Variants in C8orf34 observed in about 807,000 individuals in gnomAD.
C8orf34 encodes chromosome 8 open reading frame 34, also known as uncharacterized protein C8orf34.
In C8orf34, 65 loss-of-function variants were observed where a neutral mutation model predicts 68.3. The observed-to-expected ratio is 0.95, with a 90% confidence interval of 0.78 to 1.17. The LOEUF is 1.17. C8orf34 is among the 50% of genes most tolerant of loss of function. The probability of loss-of-function intolerance (pLI) is 0.00; values close to 1 mark genes in which losing one functional copy is unlikely to be tolerated. For missense variants in C8orf34, 664 were observed against 655.4 expected (o/e 1.01, Z -0.14); for synonymous variants, 244 against 241.2 (o/e 1.01, Z -0.11).
chr8:68,657,331 A>T (rs1414369734), intron 8 of C8orf34, among the ~76,000 whole-genome samples: 1 of 152,150 alleles, frequency 6.6e-6, no homozygotes, highest in African/African-American at 2.4e-5. Flanking sequence ...TAATTAGGTC[A>T]TAAGGGTGGA....
chr8:68,771,801 A>G (rs1823346383), intron 10 of C8orf34, among the ~76,000 whole-genome samples: 1 of 152,198 alleles, frequency 6.6e-6, no homozygotes, highest in Non-Finnish European at 1.5e-5. Flanking sequence ...GAAAGACTAG[A>G]TGCCTTTCCT....
intron 8 of C8orf34, among the ~76,000 whole-genome samples, chr8:68,668,821 G>C (rs1348287119): frequency 1.3e-5 from 2 of 152,166 alleles, no homozygotes. Context: ...GGAAGGAAAG[G>C]AGGCAGCCTC....
At chr8:68,372,387 A>G (rs1807598385) in intron 1 of C8orf34, among the ~76,000 whole-genome samples, 1 of 152,126 alleles carries the variant, frequency 6.6e-6, no homozygotes, top group South Asian at 2.1e-4. Context: ...AATCTCAGAG[A>G]CCCAGTCCCT....
At chr8:68,774,775 T>C (rs895861762) in intron 10 of C8orf34, among the ~76,000 whole-genome samples, 2 of 151,584 alleles carry the variant, frequency 1.3e-5, no homozygotes, top group Admixed American at 6.6e-5. Flanking sequence ...AATTTAATTT[T>C]GTATGTTTTA....
At chr8:68,637,403 A>G (rs1472987416) in intron 7 of C8orf34, among the ~76,000 whole-genome samples, 1 of 152,126 alleles carries the variant, frequency 6.6e-6, no homozygotes, top group African/African-American at 2.4e-5. Flanking sequence ...TCCAGCCTTG[A>G]TGATCTATAG....
intron 5 of C8orf34, among the ~76,000 whole-genome samples, chr8:68,490,322 C>CT (rs1563481808): frequency 6.6e-6 from 1 of 152,230 alleles, no homozygotes; most frequent in Non-Finnish European, 1.5e-5. Flanking sequence ...TTGTCCTTCT[C>CT]TTTTTTTCTG....
intron 4 of C8orf34, among the ~76,000 whole-genome samples, chr8:68,471,324 C>G (rs759697324): frequency 6.6e-6 from 1 of 152,038 alleles, no homozygotes; most frequent in Non-Finnish European, 1.5e-5. Flanking sequence ...ACTTGAGTTT[C>G]TATGATTTTC....
intron 11 of C8orf34, among the ~76,000 whole-genome samples, chr8:68,777,705 C>T (rs1415588674): frequency 1.3e-5 from 2 of 152,142 alleles, no homozygotes; most frequent in African/African-American, 2.4e-5. Flanking sequence ...GTGTCTTTTC[C>T]AACGTTCTTT....
At chr8:68,591,562 G>C (rs1042152266) in intron 7 of C8orf34, among the ~76,000 whole-genome samples, 1 of 152,112 alleles carries the variant, frequency 6.6e-6, no homozygotes, top group Non-Finnish European at 1.5e-5. Flanking sequence ...CTAAACTACA[G>C]GCTAATGTAA....
intron 1 of C8orf34, among the ~76,000 whole-genome samples, chr8:68,341,705 G>T (rs1806076969): frequency 6.6e-6 from 1 of 152,078 alleles, no homozygotes; most frequent in African/African-American, 2.4e-5. Flanking sequence ...TCCTGCTTTT[G>T]CCATGAAACA....
intron 10 of C8orf34, among the ~76,000 whole-genome samples, chr8:68,744,777 C>T (rs1192683024): frequency 8.5e-5 from 13 of 152,212 alleles, no homozygotes; most frequent in South Asian, 4.2e-4. Context: ...CTGAAAGTGA[C>T]GGGGAGAATG....
At chr8:68,628,568 A>G (rs892908982) in intron 7 of C8orf34, among the ~76,000 whole-genome samples, 5 of 152,208 alleles carry the variant, frequency 3.3e-5, no homozygotes, top group African/African-American at 9.6e-5. Flanking sequence ...CTCAGAATAT[A>G]TAACATCTGC....
At chr8:68,382,365 T>G (rs1808079437) in intron 1 of C8orf34, among the ~76,000 whole-genome samples, 1 of 152,184 alleles carries the variant, frequency 6.6e-6, no homozygotes, top group Non-Finnish European at 1.5e-5. Context: ...TTGCCTCTGT[T>G]TCCTCATCTG....
At chr8:68,366,302 T>C (rs1327862613) in intron 1 of C8orf34, among the ~76,000 whole-genome samples, 17 of 131,174 alleles carry the variant, frequency 1.3e-4, no homozygotes, top group East Asian at 6.9e-4. Flanking sequence ...GAATCAATAT[T>C]GTGAAAATGG....
chr8:68,373,787 A>G (rs1390336166), intron 1 of C8orf34, among the ~76,000 whole-genome samples: 1 of 152,226 alleles, frequency 6.6e-6, no homozygotes, highest in East Asian at 1.9e-4. Context: ...ACATACTAAG[A>G]CTTGATATAT....
intron 7 of C8orf34, among the ~76,000 whole-genome samples, chr8:68,614,963 A>C (rs1223325131): frequency 3.6e-3 from 543 of 152,082 alleles, no homozygotes; most frequent in African/African-American, 0.012. Flanking sequence ...CTTTTATTTC[A>C]TTGAGCAGTG....
At chr8:68,739,864 C>A (rs375203429) in intron 10 of C8orf34, among the ~76,000 whole-genome samples, 4 of 152,172 alleles carry the variant, frequency 2.6e-5, no homozygotes, top group Non-Finnish European at 5.9e-5. Context: ...TCAAACTATA[C>A]TATAGGGCTA....
intron 5 of C8orf34, among the ~76,000 whole-genome samples, chr8:68,510,898 C>T (rs751773697): frequency 2.6e-5 from 4 of 152,034 alleles, no homozygotes; most frequent in African/African-American, 4.8e-5. Flanking sequence ...TGGATCTCCT[C>T]GGCCTGTTAG....
chr8:68,526,857 CG>C (rs2129747873), intron 6 of C8orf34, among the ~76,000 whole-genome samples: 1 of 152,100 alleles, frequency 6.6e-6, no homozygotes, highest in East Asian at 1.9e-4. Context: ...TGAAACTAAA[CG>C]GAGCAAGCTC....
Sources: gnomAD v4.1 joint callset for allele counts (sites outside exome capture counted in the v4.1 genomes callset) on GRCh38, gnomAD v4.1.1 for gene constraint, MANE v1.5 for transcripts, NCBI Gene and HGNC (gene_info 2026-07-23, HGNC 2026-07-21) for gene names.